Variants in USH2A observed in about 807,000 individuals in gnomAD.
USH2A encodes usherin, also known as Usher syndrome 2A (autosomal recessive, mild).
Under a neutral mutation model 538.9 loss-of-function variants are expected in USH2A, and 443 were observed. That is an observed-to-expected ratio of 0.82 (90% confidence interval 0.76 to 0.89). The LOEUF (loss-of-function observed/expected upper bound fraction) is 0.89, where lower values mean the gene tolerates loss of function less well. USH2A is among the 40% of genes least tolerant of loss of function. USH2A has a pLI of 0.00. For synonymous variants in USH2A, 2,413 were observed against 2,273.5 expected (o/e 1.06, Z -1.75); for missense variants, 6,633 against 6,324.8 (o/e 1.05, Z -1.65).
At chr1:215,902,921 A>G (rs4564111) in intron 38 of USH2A, among the ~76,000 whole-genome samples, 126,717 of 152,020 alleles carry the variant, frequency 0.83, 52,879 homozygotes, top group African/African-American at 0.85. Flanking sequence ...GTAGGTCAGC[A>G]TATATGTGAT....
chr1:215,727,698 T>C (rs2102712886), intron 61 of USH2A, among the ~76,000 whole-genome samples: 1 of 151,824 alleles, frequency 6.6e-6, no homozygotes, highest in South Asian at 2.1e-4. Context: ...CCACTCCAGT[T>C]TGGGTGACAG....
intron 32 of USH2A, among the ~76,000 whole-genome samples, chr1:216,001,676 G>A (rs1306365307): frequency 6.6e-6 from 1 of 151,976 alleles, no homozygotes; most frequent in Admixed American, 6.6e-5. Flanking sequence ...CATTAACCAT[G>A]AGCCACCACA....
intron 60 of USH2A, among the ~76,000 whole-genome samples, chr1:215,736,705 A>G (rs1036582362): frequency 2.0e-5 from 3 of 152,000 alleles, no homozygotes; most frequent in African/African-American, 7.2e-5. Context: ...TATATTATAC[A>G]TACCCCTCCC....
chr1:216,302,821 T>A (rs2037239712), intron 9 of USH2A, among the ~76,000 whole-genome samples: 1 of 152,094 alleles, frequency 6.6e-6, no homozygotes, highest in Non-Finnish European at 1.5e-5. Context: ...ATAAAACCTA[T>A]ATTTAGAAAA....
chr1:215,815,235 G>C (rs548786834), intron 48 of USH2A, among the ~76,000 whole-genome samples: 1 of 152,082 alleles, frequency 6.6e-6, no homozygotes, highest in East Asian at 1.9e-4. Context: ...TAAATAGTGT[G>C]TCTCGTTTTA....
chr1:216,252,181 G>A (rs1432839919), intron 11 of USH2A, among the ~76,000 whole-genome samples: 2 of 152,188 alleles, frequency 1.3e-5, no homozygotes, highest in Non-Finnish European at 2.9e-5. Flanking sequence ...ATACTGTGTT[G>A]ATTAAAGAAA....
intron 44 of USH2A, among the ~76,000 whole-genome samples, chr1:215,859,173 A>G (rs1023306314): frequency 5.9e-5 from 9 of 152,154 alleles, no homozygotes; most frequent in Non-Finnish European, 1.0e-4. Context: ...GAACAACACA[A>G]TAACACAGGT....
chr1:216,067,235 G>A (rs1053975754), intron 30 of USH2A, among the ~76,000 whole-genome samples: 9 of 152,110 alleles, frequency 5.9e-5, no homozygotes, highest in Non-Finnish European at 1.0e-4. Flanking sequence ...CATAGGGAGG[G>A]GAACATCACA....
intron 21 of USH2A, among the ~76,000 whole-genome samples, chr1:216,138,006 T>C (rs2102608129): frequency 6.6e-6 from 1 of 152,352 alleles, no homozygotes; most frequent in Admixed American, 6.5e-5. Flanking sequence ...GAGTCAAATC[T>C]ACTAACAATT....
At chr1:215,642,456 T>A (rs981273536) in intron 67 of USH2A, among the ~76,000 whole-genome samples, 1 of 152,182 alleles carries the variant, frequency 6.6e-6, no homozygotes, top group Non-Finnish European at 1.5e-5. Flanking sequence ...CAATTCACCC[T>A]ATGGGTGCTC....
At chr1:216,200,552 G>A (rs979591732) in intron 16 of USH2A, among the ~76,000 whole-genome samples, 1 of 152,122 alleles carries the variant, frequency 6.6e-6, no homozygotes, top group East Asian at 1.9e-4. Context: ...CATCTTGAAT[G>A]GAAAATTTTC....
intron 48 of USH2A, among the ~76,000 whole-genome samples, chr1:215,814,773 T>C (rs1662811633): frequency 6.6e-6 from 1 of 152,102 alleles, no homozygotes; most frequent in Non-Finnish European, 1.5e-5. Flanking sequence ...CAGTCTCAGG[T>C]AATTCTTTAT....
chr1:215,822,683 T>C (rs1663043485), intron 47 of USH2A, among the ~76,000 whole-genome samples: 1 of 152,002 alleles, frequency 6.6e-6, no homozygotes, highest in Non-Finnish European at 1.5e-5. Context: ...GTGGGTATCC[T>C]TGTCTTGTTC....
At chr1:215,971,171 A>T (rs1667486712) in intron 35 of USH2A, among the ~76,000 whole-genome samples, 1 of 152,178 alleles carries the variant, frequency 6.6e-6, no homozygotes, top group African/African-American at 2.4e-5. Flanking sequence ...TTGTTAATGC[A>T]TTCTATATGA....
intron 58 of USH2A, among the ~76,000 whole-genome samples, chr1:215,752,405 G>T (rs1444657290): frequency 1.3e-5 from 2 of 152,126 alleles, no homozygotes; most frequent in East Asian, 1.9e-4. Flanking sequence ...TATCAAGAAA[G>T]AATAAGGTAA....
At chr1:215,798,743 G>A (rs1435754612) in intron 50 of USH2A, among the ~76,000 whole-genome samples, 164 bp downstream of exon 50, 2 of 152,144 alleles carry the variant, frequency 1.3e-5, no homozygotes, top group South Asian at 2.1e-4. Flanking sequence ...GTAAAAATTG[G>A]GAGATTACAT....
At chr1:216,104,875 T>C (rs960716590) in intron 21 of USH2A, among the ~76,000 whole-genome samples, 7 of 152,028 alleles carry the variant, frequency 4.6e-5, no homozygotes, top group African/African-American at 1.7e-4. Context: ...ACCATCAGAG[T>C]GAACAGGCAA....
At chr1:216,041,083 AC>A (rs1197723653) in intron 32 of USH2A, among the ~76,000 whole-genome samples, 1 of 152,058 alleles carries the variant, frequency 6.6e-6, no homozygotes, top group Non-Finnish European at 1.5e-5. Context: ...GAATGTATAT[AC>A]CTCACGTATT....
chr1:216,247,531 T>G (rs1056281010), intron 12 of USH2A, among the ~76,000 whole-genome samples: 4 of 152,204 alleles, frequency 2.6e-5, no homozygotes, highest in Non-Finnish European at 1.5e-5. Context: ...TTAACAAATC[T>G]TAAAAACTAT....
Sources: gnomAD v4.1 joint callset for allele counts (sites outside exome capture counted in the v4.1 genomes callset) on GRCh38, gnomAD v4.1.1 for gene constraint, MANE v1.5 for transcripts, NCBI Gene and HGNC (gene_info 2026-07-23, HGNC 2026-07-21) for gene names.